Variants in MAGI1 observed in about 807,000 individuals in gnomAD.
MAGI1 encodes membrane associated guanylate kinase, WW and PDZ domain containing 1, also known as membrane-associated guanylate kinase, WW and PDZ domain-containing protein 1.
In MAGI1, 58 loss-of-function variants were observed where a neutral mutation model predicts 139.9. The ratio of observed to expected loss-of-function variants is 0.41; its 90% CI spans 0.34 to 0.52. The LOEUF (loss-of-function observed/expected upper bound fraction) is 0.52, where lower values mean the gene tolerates loss of function less well. MAGI1 is among the 20% of genes least tolerant of loss of function. The pLI is 0.12. For missense variants in MAGI1, 1,874 were observed against 1,901.6 expected, an observed-to-expected ratio of 0.99 and a Z score of 0.27; for synonymous variants, 812 against 737.9, an observed-to-expected ratio of 1.10 and a Z score of -1.63.
chr3:65,401,287 A>G (rs999458634), intron 13 of MAGI1, 152 bp downstream of exon 13: 2 of 959,620 alleles, frequency 2.1e-6, no homozygotes, highest in African/African-American at 3.3e-5. Flanking sequence ...ACAGATCCCC[A>G]GAACTTAAGA....
intron 18 of MAGI1, chr3:65,371,786 G>A (rs1575543447): frequency 8.4e-6 from 2 of 238,342 alleles, no homozygotes; most frequent in South Asian, 8.5e-5. Context: ...TCCATCTCAA[G>A]AAACCATTTT....
intron 1 of MAGI1, among the ~76,000 whole-genome samples, chr3:65,781,966 G>A (rs1000864309): frequency 3.3e-5 from 5 of 152,202 alleles, no homozygotes; most frequent in African/African-American, 4.8e-5. Context: ...GGTCTCCTGA[G>A]CAGATTGGTA....
chr3:66,031,695 A>G (rs1420269560), intron 1 of MAGI1, among the ~76,000 whole-genome samples: 2 of 152,216 alleles, frequency 1.3e-5, no homozygotes, highest in Non-Finnish European at 2.9e-5. Context: ...AGTTAAAAAA[A>G]AAAAGACATA....
intron 2 of MAGI1, among the ~76,000 whole-genome samples, chr3:65,608,435 CA>C (rs1296533491): frequency 2.7e-5 from 4 of 146,116 alleles, no homozygotes; most frequent in Non-Finnish European, 4.5e-5. Context: ...AACTCCATCT[CA>C]AAAAAAAACA....
intron 2 of MAGI1, among the ~76,000 whole-genome samples, chr3:65,590,913 T>C (rs2081938382): frequency 6.6e-6 from 1 of 152,226 alleles, no homozygotes; most frequent in African/African-American, 2.4e-5. Context: ...CACATGCTGA[T>C]GAGAATGTAA....
chr3:65,618,186 T>C (rs962608202), intron 2 of MAGI1, among the ~76,000 whole-genome samples: 4 of 152,218 alleles, frequency 2.6e-5, no homozygotes, highest in South Asian at 2.1e-4. Flanking sequence ...AATATGAAGT[T>C]TGTAGGGTTG....
At chr3:65,590,255 C>T (rs1358911489) in intron 2 of MAGI1, among the ~76,000 whole-genome samples, 1 of 152,192 alleles carries the variant, frequency 6.6e-6, no homozygotes, top group African/African-American at 2.4e-5. Flanking sequence ...ATGTGTCTCT[C>T]ACCACCACCA....
At chr3:65,396,433 T>C (rs1944400462) in intron 13 of MAGI1, among the ~76,000 whole-genome samples, 1 of 152,194 alleles carries the variant, frequency 6.6e-6, no homozygotes, top group South Asian at 2.1e-4. Flanking sequence ...CTGAAATGAA[T>C]GATTCCCTTA....
At chr3:65,404,279 C>T (rs889146322) in intron 12 of MAGI1, among the ~76,000 whole-genome samples, 1 of 152,170 alleles carries the variant, frequency 6.6e-6, no homozygotes, top group Admixed American at 6.5e-5. Flanking sequence ...GTTAACTACA[C>T]AAAGCCAACC....
At chr3:65,373,157 A>T (rs2106823029) in intron 18 of MAGI1, among the ~76,000 whole-genome samples, 1 of 152,192 alleles carries the variant, frequency 6.6e-6, no homozygotes, top group East Asian at 1.9e-4. Context: ...CTAGCTTTTG[A>T]TTTAAAGTGA....
intron 1 of MAGI1, among the ~76,000 whole-genome samples, chr3:65,640,929 G>T (rs1041902185): frequency 2.0e-5 from 3 of 152,086 alleles, no homozygotes; most frequent in Admixed American, 6.5e-5. Context: ...CAGCCTTTGG[G>T]AACTGTGACA....
chr3:65,640,214 T>G (rs1166312427), intron 1 of MAGI1, among the ~76,000 whole-genome samples: 1 of 152,002 alleles, frequency 6.6e-6, no homozygotes, highest in East Asian at 1.9e-4. Context: ...TGAAATCTCC[T>G]TCTCTCTATA....
chr3:65,578,650 T>G (rs978089746), intron 2 of MAGI1, among the ~76,000 whole-genome samples: 3 of 152,216 alleles, frequency 2.0e-5, no homozygotes, highest in Non-Finnish European at 4.4e-5. Context: ...CCGGATGCCA[T>G]GGCTCACGCC....
At chr3:65,615,861 A>C (rs1262018697) in intron 2 of MAGI1, among the ~76,000 whole-genome samples, 1 of 152,210 alleles carries the variant, frequency 6.6e-6, no homozygotes. Flanking sequence ...TACATGGTGA[A>C]ATAGGAAACC....
intron 1 of MAGI1, among the ~76,000 whole-genome samples, chr3:65,685,390 T>C (rs538948472): frequency 7.2e-5 from 11 of 152,126 alleles, no homozygotes; most frequent in African/African-American, 2.7e-4. Context: ...ATACCTTTAT[T>C]TGCATTTTAA....
chr3:65,537,892 C>T (rs769454030), intron 2 of MAGI1, among the ~76,000 whole-genome samples: 6 of 151,844 alleles, frequency 4.0e-5, no homozygotes, highest in South Asian at 2.1e-4. Context: ...CCAAGGCGGT[C>T]GGATCACCTG....
intron 1 of MAGI1, among the ~76,000 whole-genome samples, chr3:65,919,596 A>C (rs1160603081): frequency 1.3e-5 from 2 of 150,768 alleles, no homozygotes; most frequent in African/African-American, 5.0e-5. Flanking sequence ...AACAAACAAA[A>C]AAGAAACAAA....
At chr3:65,767,637 G>C (rs1252046212) in intron 1 of MAGI1, among the ~76,000 whole-genome samples, 3 of 152,158 alleles carry the variant, frequency 2.0e-5, no homozygotes, top group African/African-American at 7.2e-5. Flanking sequence ...ATTTACGTTA[G>C]GAGGCCATTG....
At chr3:65,753,657 G>C (rs115117675) in intron 1 of MAGI1, among the ~76,000 whole-genome samples, 3,834 of 148,570 alleles carry the variant, frequency 0.026, 81 homozygotes, top group Middle Eastern at 0.042. Flanking sequence ...GGAGGCAGAG[G>C]TTCCAGTGAG....
Sources: allele counts gnomAD v4.1 joint callset (sites outside exome capture counted in the v4.1 genomes callset), GRCh38; gene constraint gnomAD v4.1.1; transcripts MANE v1.5; gene names NCBI Gene and HGNC (gene_info 2026-07-23, HGNC 2026-07-21).